The following PCBP3 variants were observed in gnomAD, a reference collection of about 807,000 sequenced individuals.
The protein encoded by PCBP3 is poly(rC) binding protein 3.
In PCBP3, 25 loss-of-function variants were observed where a neutral mutation model predicts 52.7. The observed-to-expected ratio is 0.47, with a 90% confidence interval of 0.35 to 0.66. PCBP3 has a LOEUF of 0.66. Among genes scored for constraint, PCBP3 ranks in the 30% least tolerant of loss-of-function variants. PCBP3 has a pLI of 0.01. For synonymous variants in PCBP3, 162 were observed against 183.0 expected (o/e 0.89, Z 0.93); for missense variants, 391 against 490.3 (o/e 0.80, Z 1.91).
intron 1 of PCBP3, among the ~76,000 whole-genome samples, chr21:45,647,442 G>A (rs543734006): frequency 8.5e-5 from 13 of 152,344 alleles, no homozygotes; most frequent in African/African-American, 3.1e-4. Flanking sequence ...ACTCAGTGCT[G>A]CAGTTGGGAT....
At chr21:45,930,866 C>T (rs751869982) in intron 15 of PCBP3, 21 bp downstream of exon 15, 1 of 1,612,624 alleles carries the variant, frequency 6.2e-7, no homozygotes. Flanking sequence ...GCCACACTGA[C>T]AGGAGAACAG....
At chr21:45,742,094 T>C (rs1387970929) in intron 3 of PCBP3, among the ~76,000 whole-genome samples, 4 of 152,224 alleles carry the variant, frequency 2.6e-5, no homozygotes, top group Non-Finnish European at 4.4e-5. Context: ...TTTATTGGAT[T>C]ATTCCCTTTT....
chr21:45,815,941 TG>T (rs1569262415), intron 4 of PCBP3, among the ~76,000 whole-genome samples: 3 of 117,166 alleles, frequency 2.6e-5, no homozygotes, highest in African/African-American at 3.6e-5. Flanking sequence ...GAGTGAGTGG[TG>T]AGTGATGAGT....
chr21:45,869,639 G>A (rs148514620), intron 5 of PCBP3, among the ~76,000 whole-genome samples: 5 of 152,326 alleles, frequency 3.3e-5, no homozygotes, highest in African/African-American at 9.6e-5. Context: ...CGCTGTCAGT[G>A]CAGCTCCTCA....
At chr21:45,678,278 C>T (rs1347910146) in intron 2 of PCBP3, among the ~76,000 whole-genome samples, 1 of 151,358 alleles carries the variant, frequency 6.6e-6, no homozygotes, top group Non-Finnish European at 1.5e-5. Flanking sequence ...TGCACTCTAG[C>T]CTGGGCGACA....
At chr21:45,815,323 G>A (rs1407417780) in intron 4 of PCBP3, among the ~76,000 whole-genome samples, 1 of 50,644 alleles carries the variant, frequency 2.0e-5, no homozygotes, top group Non-Finnish European at 4.0e-5. Flanking sequence ...TGAGTGGTGA[G>A]TGAGTGATGA....
chr21:45,794,053 T>G (rs2091783359), intron 4 of PCBP3, among the ~76,000 whole-genome samples: 1 of 152,236 alleles, frequency 6.6e-6, no homozygotes, highest in Admixed American at 6.5e-5. Flanking sequence ...ATTAAAATAC[T>G]ATTTGAAATA....
chr21:45,803,239 G>T (rs2092375470), intron 4 of PCBP3, among the ~76,000 whole-genome samples: 1 of 152,166 alleles, frequency 6.6e-6, no homozygotes, highest in Non-Finnish European at 1.5e-5. Flanking sequence ...GCCATGCAAG[G>T]GTATTGGTGT....
chr21:45,725,032 T>G (rs1178237753), intron 2 of PCBP3, among the ~76,000 whole-genome samples: 2 of 152,196 alleles, frequency 1.3e-5, no homozygotes, highest in African/African-American at 2.4e-5. Context: ...ACATTTTGCT[T>G]GGGTTTTTTT....
chr21:45,884,770 C>T (rs1174053009), intron 5 of PCBP3, among the ~76,000 whole-genome samples: 2 of 152,144 alleles, frequency 1.3e-5, no homozygotes, highest in Non-Finnish European at 2.9e-5. Context: ...GCCATGTTGC[C>T]CAGGCATATA....
At chr21:45,646,107 CTGTG>C (rs765931494) in intron 1 of PCBP3, among the ~76,000 whole-genome samples, 2,870 of 83,650 alleles carry the variant, frequency 0.034, 61 homozygotes, top group Non-Finnish European at 0.047. Context: ...CTCTCTCTCT[CTGTG>C]TGTGTGTGTG....
intron 3 of PCBP3, among the ~76,000 whole-genome samples, chr21:45,739,426 C>T (rs2086214546): frequency 8.5e-6 from 1 of 117,062 alleles, no homozygotes; most frequent in Non-Finnish European, 1.7e-5. Context: ...CCATGGCCCC[C>T]TGGATGGCCC....
chr21:45,934,781 C>T (rs1056399458), intron 15 of PCBP3, among the ~76,000 whole-genome samples: 39 of 152,122 alleles, frequency 2.6e-4, no homozygotes, highest in East Asian at 5.8e-4. Flanking sequence ...CGGGTAGAGC[C>T]GTGTGGGCCT....
At chr21:45,825,542 G>C (rs554248276) in intron 4 of PCBP3, among the ~76,000 whole-genome samples, 14 of 152,298 alleles carry the variant, frequency 9.2e-5, no homozygotes, top group Admixed American at 2.0e-4. Flanking sequence ...GGCTCAACAG[G>C]CTCCTCCCTC....
chr21:45,655,243 C>G (rs1180756685), intron 1 of PCBP3, among the ~76,000 whole-genome samples: 1 of 151,988 alleles, frequency 6.6e-6, no homozygotes, highest in Non-Finnish European at 1.5e-5. Flanking sequence ...CTGAGTCATA[C>G]AGTAACTCTG....
At chr21:45,872,455 G>T (rs1429790066) in intron 5 of PCBP3, 1 of 152,264 alleles carries the variant, frequency 6.6e-6, no homozygotes, top group African/African-American at 2.4e-5. Context: ...CAAGAACACA[G>T]ATTTGGAACC....
In PCBP3 at chr21:45,913,682, C is replaced by A. The variant is rs116483336; in HGVS notation, c.601-269C>A. Among the ~76,000 whole-genome samples the A allele has an allele frequency of 6.1e-3, 926 of 152,342 alleles. 8 individuals carry two copies. The highest frequency in any genetic ancestry group is 0.021 in the African/African-American group (877 of 41,576). On this transcript the variant is annotated intron_variant, in intron 11 of 17. Coordinates refer to ENST00000681687, the MANE Select transcript of PCBP3 (RefSeq NM_001384156.1). ...AGGGATGTTCGGGGCAGGCGGTACT[C>A]TCAGGAGGCCGGTGTGTGGCAAACT...
At chr21:45,814,988 AGTGAGTG>A (rs752278420) in intron 4 of PCBP3, among the ~76,000 whole-genome samples, 1 of 45,276 alleles carries the variant, frequency 2.2e-5, no homozygotes, top group Non-Finnish European at 4.0e-5. Flanking sequence ...GTGAGTGGTG[AGTGAGTG>A]GTGAGTGAGT....
intron 2 of PCBP3, among the ~76,000 whole-genome samples, chr21:45,727,444 C>A (rs1053301846): frequency 6.6e-6 from 1 of 152,224 alleles, no homozygotes; most frequent in African/African-American, 2.4e-5. Flanking sequence ...GTACCCACAG[C>A]TCCCTGGAAG....
Sources: allele counts gnomAD v4.1 joint callset (sites outside exome capture counted in the v4.1 genomes callset), GRCh38; gene constraint gnomAD v4.1.1; transcripts MANE v1.5; gene names NCBI Gene and HGNC (gene_info 2026-07-23, HGNC 2026-07-21).